The following FRMD4A variants were observed in gnomAD, a reference collection of about 807,000 sequenced individuals.
The protein encoded by FRMD4A is FERM domain containing 4A.
A neutral mutation model predicts 129.1 loss-of-function variants in FRMD4A; 29 were observed. That is an observed-to-expected ratio of 0.22 (90% CI 0.17 to 0.31). FRMD4A has a LOEUF of 0.31. Among genes scored for constraint, FRMD4A ranks in the 10% least tolerant of loss-of-function variants. The pLI is 1.00. For synonymous variants in FRMD4A, 634 were observed against 571.6 expected (o/e 1.11, Z -1.56); for missense variants, 1,272 against 1,375.8 (o/e 0.92, Z 1.19).
intron 2 of FRMD4A, among the ~76,000 whole-genome samples, chr10:14,183,688 C>T (rs1354159567): frequency 2.0e-5 from 3 of 152,114 alleles, no homozygotes; most frequent in African/African-American, 7.2e-5. Flanking sequence ...CTCTATTTTG[C>T]AAATTGAATC....
intron 2 of FRMD4A, among the ~76,000 whole-genome samples, chr10:14,123,295 C>T (rs1279366271): frequency 6.6e-6 from 1 of 152,146 alleles, no homozygotes; most frequent in East Asian, 1.9e-4. Context: ...CCCAAGACTC[C>T]CTGCAGGCAC....
intron 3 of FRMD4A, among the ~76,000 whole-genome samples, chr10:13,854,880 G>A (rs912239535): frequency 3.3e-5 from 5 of 152,144 alleles, no homozygotes; most frequent in Non-Finnish European, 7.3e-5. Flanking sequence ...GCATGCTCTG[G>A]GGCTGAATGC....
rs370833824 is a variant in FRMD4A, at chr10:14,119,018, C to A, written c.45+211040G>T. On this transcript the variant is annotated intron_variant, in intron 2 of 24. Coordinates refer to ENST00000357447, the MANE Select transcript of FRMD4A (RefSeq NM_018027.5). ...TCCAGGGATGAGCTAAGAACCCCAA[C>A]GGCCTGAGTAGGCCTTTGTTGGAGG... is the stretch of plus-strand genomic sequence containing the variant. Among the ~76,000 whole-genome samples the A allele has an allele frequency of 7.9e-5, 12 of 152,310 alleles. No individual in the cohort carries two copies. The South Asian group carries it at 2.5e-3, about 32-fold the overall frequency.
chr10:14,298,886 G>T (rs74122205), intron 2 of FRMD4A, among the ~76,000 whole-genome samples: 6,238 of 152,272 alleles, frequency 0.041, 425 homozygotes, highest in African/African-American at 0.14. Context: ...CTCCCTTTCC[G>T]GATTGAAGCA....
intron 2 of FRMD4A, among the ~76,000 whole-genome samples, chr10:14,191,821 C>G (rs1216939501): frequency 6.7e-6 from 1 of 148,972 alleles, no homozygotes; most frequent in Non-Finnish European, 1.5e-5. Context: ...CTCTCTCTCT[C>G]TCTCCTGGCA....
At chr10:14,217,122 A>G (rs1391463210) in intron 2 of FRMD4A, among the ~76,000 whole-genome samples, 1 of 152,182 alleles carries the variant, frequency 6.6e-6, no homozygotes, top group Non-Finnish European at 1.5e-5. Context: ...TTTAGTTTAA[A>G]CATTTTACTA....
At chr10:13,849,654 T>C (rs1429512724) in intron 3 of FRMD4A, among the ~76,000 whole-genome samples, 4 of 151,518 alleles carry the variant, frequency 2.6e-5, no homozygotes, top group African/African-American at 9.7e-5. Flanking sequence ...TAATTTTGTA[T>C]TTTTAGTAGA....
intron 2 of FRMD4A, among the ~76,000 whole-genome samples, chr10:14,021,436 A>G (rs1328871833): frequency 6.6e-6 from 1 of 152,058 alleles, no homozygotes; most frequent in African/African-American, 2.4e-5. Flanking sequence ...TTATACCTGT[A>G]GTCCCACCTA....
intron 2 of FRMD4A, among the ~76,000 whole-genome samples, chr10:14,182,266 G>A (rs753703218): frequency 6.6e-6 from 1 of 152,230 alleles, no homozygotes; most frequent in Non-Finnish European, 1.5e-5. Flanking sequence ...GAGATAGGGT[G>A]CAGTAGCACA....
intron 2 of FRMD4A, among the ~76,000 whole-genome samples, chr10:14,138,708 C>T (rs898255368): frequency 1.1e-4 from 17 of 151,112 alleles, no homozygotes; most frequent in Admixed American, 8.6e-4. Context: ...TGCAGTGAGC[C>T]GAGATCGCAC....
intron 2 of FRMD4A, among the ~76,000 whole-genome samples, chr10:14,041,298 CTT>C (rs1430348370): frequency 1.3e-5 from 2 of 152,166 alleles, no homozygotes. Flanking sequence ...TTCCTTATCT[CTT>C]TTTTCAAAAG....
chr10:14,021,526 C>A (rs11258807), intron 2 of FRMD4A, among the ~76,000 whole-genome samples: 2,221 of 152,162 alleles, frequency 0.015, 38 homozygotes, highest in East Asian at 0.081. Flanking sequence ...CACCACACTC[C>A]AGCCTGGGGG....
chr10:14,068,765 T>A (rs537477177), intron 2 of FRMD4A, among the ~76,000 whole-genome samples: 2 of 152,068 alleles, frequency 1.3e-5, no homozygotes, highest in Non-Finnish European at 2.9e-5. Context: ...CTATATTAGG[T>A]TTAATTGGAG....
chr10:14,022,757 A>G (rs1832816052), intron 2 of FRMD4A, among the ~76,000 whole-genome samples: 1 of 152,074 alleles, frequency 6.6e-6, no homozygotes, highest in Non-Finnish European at 1.5e-5. Flanking sequence ...ATTTAGAGAA[A>G]AGGATGGAGT....
intron 2 of FRMD4A, among the ~76,000 whole-genome samples, chr10:14,045,382 C>A (rs758521808): frequency 6.6e-6 from 1 of 152,118 alleles, no homozygotes; most frequent in Non-Finnish European, 1.5e-5. Flanking sequence ...CTTCATGAAG[C>A]TTTCCCTAGG....
chr10:13,807,550 T>C (rs1334424617), intron 4 of FRMD4A, among the ~76,000 whole-genome samples: 2 of 131,482 alleles, frequency 1.5e-5, no homozygotes, highest in African/African-American at 5.3e-5. Context: ...GCTGCAAAAC[T>C]GTTGATTGCT....
intron 4 of FRMD4A, among the ~76,000 whole-genome samples, chr10:13,799,349 G>T (rs893477449): frequency 6.6e-6 from 1 of 152,002 alleles, no homozygotes. Flanking sequence ...GTAGAGACAG[G>T]GTTTCACCGT....
chr10:13,852,066 G>A (rs1266339380), intron 3 of FRMD4A, among the ~76,000 whole-genome samples: 1 of 151,778 alleles, frequency 6.6e-6, no homozygotes, highest in African/African-American at 2.4e-5. Context: ...GAAATAAAGT[G>A]CACAATAAAT....
intron 2 of FRMD4A, among the ~76,000 whole-genome samples, chr10:13,978,106 C>T (rs1273353740): frequency 6.6e-6 from 1 of 152,208 alleles, no homozygotes. Flanking sequence ...TTTTACATTT[C>T]CACTAGCAGT....
Sources: gnomAD v4.1 joint callset for allele counts (sites outside exome capture counted in the v4.1 genomes callset) on GRCh38, gnomAD v4.1.1 for gene constraint, MANE v1.5 for transcripts, NCBI Gene and HGNC (gene_info 2026-07-23, HGNC 2026-07-21) for gene names.